The following GPHN variants were observed in gnomAD, a reference collection of about 807,000 sequenced individuals.
GPHN encodes gephyrin.
Under a neutral mutation model 95.5 loss-of-function variants are expected in GPHN, and 17 were observed. The ratio of observed to expected loss-of-function variants is 0.18; its 90% CI spans 0.12 to 0.27. GPHN has a LOEUF of 0.27. Ranked by LOEUF, GPHN falls within the 10% of genes least tolerant of loss-of-function variation. The pLI is 1.00. For missense variants in GPHN, 660 were observed against 978.1 expected, an observed-to-expected ratio of 0.67 and a Z score of 4.34; for synonymous variants, 320 against 322.5, an observed-to-expected ratio of 0.99 and a Z score of 0.08.
the GPHN span, among the ~76,000 whole-genome samples, chr14:67,643,864 A>G: frequency 1.2e-3 from 106 of 91,618 alleles, no homozygotes; most frequent in Non-Finnish European, 3.0e-4. Context: ...AAAAAAAAAA[A>G]AAAAAAAAAA....
the GPHN span, chr14:67,555,760 C>A: frequency 2.5e-6 from 4 of 1,590,550 alleles, no homozygotes; most frequent in Non-Finnish European, 2.6e-6. Context: ...TCTAAAGTGG[C>A]CTTGATGCCG....
chr14:67,359,032 A>G, the GPHN span, among the ~76,000 whole-genome samples: 2 of 152,234 alleles, frequency 1.3e-5, no homozygotes, highest in South Asian at 4.1e-4. Context: ...CGGTATTAAC[A>G]CAGGTCTGAA....
the GPHN span, among the ~76,000 whole-genome samples, chr14:67,381,375 A>G: frequency 6.6e-6 from 1 of 152,166 alleles, no homozygotes; most frequent in Non-Finnish European, 1.5e-5. Context: ...GGGTAATGCA[A>G]TTTCTAAACC....
At chr14:67,043,537 A>T (rs1481188509) in intron 10 of GPHN, among the ~76,000 whole-genome samples, 1 of 152,060 alleles carries the variant, frequency 6.6e-6, no homozygotes, top group African/African-American at 2.4e-5. Context: ...ACATTTATTG[A>T]TTTGCGTATG....
chr14:66,850,292 T>A (rs1395951956), intron 4 of GPHN, among the ~76,000 whole-genome samples: 1 of 152,194 alleles, frequency 6.6e-6, no homozygotes, highest in African/African-American at 2.4e-5. Flanking sequence ...CTCATTTTTC[T>A]ATATAGGAAT....
chr14:66,710,650 T>A (rs569771104), intron 2 of GPHN, among the ~76,000 whole-genome samples: 6 of 152,158 alleles, frequency 3.9e-5, no homozygotes, highest in Non-Finnish European at 8.8e-5. Context: ...TTGAGTAGAA[T>A]CTAGGGAAAT....
At chr14:67,645,791 C>G in the GPHN span, 1 of 1,613,896 alleles carries the variant, frequency 6.2e-7, no homozygotes, top group Non-Finnish European at 8.5e-7. Context: ...CCTCAGAGAA[C>G]TACAGGATAA....
At chr14:67,462,618 G>A in the GPHN span, among the ~76,000 whole-genome samples, 1 of 152,188 alleles carries the variant, frequency 6.6e-6, no homozygotes, top group Non-Finnish European at 1.5e-5. Flanking sequence ...CTCTGGGATT[G>A]CAGGCGTGAG....
At chr14:67,255,295 T>C in the GPHN span, among the ~76,000 whole-genome samples, 1 of 152,342 alleles carries the variant, frequency 6.6e-6, no homozygotes, top group Non-Finnish European at 1.5e-5. Context: ...CCATGTGAGT[T>C]TGGTAATTAG....
At chr14:66,716,309 C>T (rs2093294) in intron 2 of GPHN, among the ~76,000 whole-genome samples, 47,837 of 151,980 alleles carry the variant, frequency 0.31, 11,512 homozygotes, top group African/African-American at 0.65. Context: ...TTGTCTGATA[C>T]AAGAATAGCT....
chr14:66,858,486 G>A (rs1267620099), intron 4 of GPHN, among the ~76,000 whole-genome samples: 1 of 151,592 alleles, frequency 6.6e-6, no homozygotes, highest in African/African-American at 2.4e-5. Context: ...TTTGACTAAA[G>A]AGACCTTGGA....
chr14:67,629,195 G>T, the GPHN span, among the ~76,000 whole-genome samples: 9 of 152,088 alleles, frequency 5.9e-5, no homozygotes, highest in African/African-American at 2.2e-4. Flanking sequence ...AATTAGCCAG[G>T]TGTGGTGGTG....
chr14:66,819,815 C>T (rs1029416783), intron 3 of GPHN, among the ~76,000 whole-genome samples: 2 of 151,918 alleles, frequency 1.3e-5, no homozygotes, highest in African/African-American at 2.4e-5. Context: ...ATAAAACATT[C>T]CAACATCTTT....
chr14:66,604,408 A>C (rs1297826384), intron 1 of GPHN, among the ~76,000 whole-genome samples: 2 of 152,176 alleles, frequency 1.3e-5, no homozygotes, highest in Admixed American at 6.5e-5. Flanking sequence ...ATGTATGTGT[A>C]CGCATTCGGG....
intron 11 of GPHN, among the ~76,000 whole-genome samples, chr14:67,063,475 A>G (rs2075907482): frequency 6.6e-6 from 1 of 152,158 alleles, no homozygotes; most frequent in African/African-American, 2.4e-5. Flanking sequence ...GAAGAAAGTC[A>G]TTGGTAGCTT....
At chr14:67,397,915 A>G in the GPHN span, 1 of 1,053,222 alleles carries the variant, frequency 9.5e-7, no homozygotes, top group South Asian at 1.7e-5. Context: ...ACAAGTAACC[A>G]GACTGTGCTG....
At chr14:66,578,749 G>A (rs1304486742) in intron 1 of GPHN, among the ~76,000 whole-genome samples, 1 of 148,610 alleles carries the variant, frequency 6.7e-6, no homozygotes, top group African/African-American at 2.5e-5. Flanking sequence ...CAGAAATGAA[G>A]GAGAGATAAG....
intron 10 of GPHN, among the ~76,000 whole-genome samples, chr14:67,055,447 A>G (rs1018735320): frequency 1.3e-5 from 2 of 151,992 alleles, no homozygotes; most frequent in Admixed American, 1.3e-4. Context: ...AGAAATGGGA[A>G]CTCTTTTACA....
intron 3 of GPHN, among the ~76,000 whole-genome samples, chr14:66,794,081 A>G (rs1017686192): frequency 1.3e-5 from 2 of 152,168 alleles, no homozygotes; most frequent in African/African-American, 4.8e-5. Context: ...TTGAAATTAA[A>G]AGGATAGAAA....
Sources: allele counts gnomAD v4.1 joint callset (sites outside exome capture counted in the v4.1 genomes callset), GRCh38; gene constraint gnomAD v4.1.1; transcripts MANE v1.5; gene names NCBI Gene and HGNC (gene_info 2026-07-23, HGNC 2026-07-21).